Variants in MYRF observed in about 807,000 individuals in gnomAD.
MYRF encodes the protein myelin regulatory factor, also known as myelin gene regulatory factor.
MYRF carries 16 observed loss-of-function variants against 126.3 expected under a neutral mutation model. The observed-to-expected ratio is 0.13, with a 90% CI of 0.09 to 0.19. The LOEUF (loss-of-function observed/expected upper bound fraction) is 0.19. Among genes scored for constraint, MYRF ranks in the 10% least tolerant of loss-of-function variants. The pLI, the probability that MYRF is intolerant of heterozygous loss-of-function variation, is 1.00. For synonymous variants in MYRF, 608 were observed against 635.3 expected (o/e 0.96, Z 0.65); for missense variants, 1,104 against 1,547.0 (o/e 0.71, Z 4.80).
At chr11:61,769,008 G>C (rs995818230) in intron 3 of MYRF, among the ~76,000 whole-genome samples, 1 of 152,174 alleles carries the variant, frequency 6.6e-6, no homozygotes, top group South Asian at 2.1e-4. Flanking sequence ...AAGGACACTA[G>C]TAACTGCCCC....
chr11:61,786,195 C>T lies in MYRF; in HGVS notation c.*52C>T. The T allele has an allele frequency of 1.3e-6, 2 of 1,549,030 alleles. No individual in the cohort carries two copies. The highest frequency in any genetic ancestry group is 1.8e-6 in the Non-Finnish European group (2 of 1,122,082). On this transcript the variant is annotated 3_prime_UTR_variant, in exon 27 of 27. Transcript: ENST00000278836. This position sits in a 1 kb window ranked among gnomAD's most constrained non-coding sequence, Gnocchi z 4.5. The stretch of plus-strand genomic sequence containing the variant: ...CAGGGACCAGGGGTGCCCAGGCACC[C>T]CCCAACACTGGATGCAATGGTGTTA...
In MYRF at chr11:61,786,931, A is replaced by G. The variant is rs1346168195; in HGVS notation, c.*788A>G. The G allele has an allele frequency of 6.5e-6, 1 of 152,698 alleles. No individual in the cohort carries two copies. The highest frequency in any genetic ancestry group is 2.4e-5 in the African/African-American group (1 of 41,430). The allele number at this position is 152,698 out of a possible 1,614,324, so 9.5% of individuals were successfully genotyped here. A position where few individuals can be genotyped will look rare whatever the true frequency, so the allele number is the denominator to read the frequency against. ...CAGGTAAGCCCTAGAGCCTTGAACC[A>G]GGAATATCCAGGAAGAGGAAATTCC... On this transcript the variant is annotated 3_prime_UTR_variant, in exon 27 of 27. Transcript: ENST00000278836. The surrounding 1 kb of genome is among the most constrained non-coding windows in gnomAD (Gnocchi z 4.5).
At chr11:61,755,502 G>A in intron 1 of MYRF, 2 of 1,585,932 alleles carry the variant, frequency 1.3e-6, no homozygotes, top group South Asian at 2.2e-5. Flanking sequence ...GCACGGGACA[G>A]GGCAGTGTCT....
intron 1 of MYRF, chr11:61,754,446 CT>C (rs1175163762): frequency 1.3e-5 from 2 of 152,428 alleles, no homozygotes; most frequent in African/African-American, 4.8e-5. Context: ...GGTTTGAGAC[CT>C]TCAGGGAAGA....
At chr11:61,753,786 C>T (rs1217471428) in intron 1 of MYRF, among the ~76,000 whole-genome samples, 3 of 152,168 alleles carry the variant, frequency 2.0e-5, no homozygotes, top group Non-Finnish European at 2.9e-5. Flanking sequence ...CCTGGACGAC[C>T]CCTGCCCCTC....
intron 4 of MYRF, 72 bp downstream of exon 4, chr11:61,769,393 TAGGGGAGGAGGG>T: frequency 1.6e-6 from 2 of 1,234,990 alleles, no homozygotes; most frequent in Non-Finnish European, 2.3e-6. Context: ...ATCAGGGAGG[TAGGGGAGGAGGG>T]AGGGGGCCAG....
intron 8 of MYRF, among the ~76,000 whole-genome samples, chr11:61,774,642 C>T (rs931319792): frequency 6.6e-6 from 1 of 151,722 alleles, no homozygotes; most frequent in Non-Finnish European, 1.5e-5. Context: ...TGTGCCTGCC[C>T]CTCAGCCTGC....
chr11:61,771,374 G>A, intron 5 of MYRF, 126 bp from the exon 6 acceptor site: 1 of 1,299,906 alleles, frequency 7.7e-7, no homozygotes, highest in South Asian at 1.5e-5. Context: ...CTTCCTGAAG[G>A]AGGTGTCCTC....
rs201406572 is a variant in MYRF, at chr11:61,778,349, C to A, written c.1904-31C>A. On this transcript the variant is annotated intron_variant, in intron 13 of 26. Coordinates refer to ENST00000278836, the MANE Select transcript of MYRF (RefSeq NM_001127392.3). This position sits in a 1 kb window ranked among gnomAD's most constrained non-coding sequence, Gnocchi z 4.6. ...TGTGAGTAGCCCTTTACCACCCCCC[C>A]ACCCATCTTTGGCTTGTCCCCTGCC... The A allele has an allele frequency of 7.9e-5, 114 of 1,438,720 alleles. No individual in the cohort carries two copies. Among genetic ancestry groups the A allele is most frequent in the Non-Finnish European group, 6.5e-5 (66 of 1,020,462 alleles). The allele number at this position is 1,438,720 out of a possible 1,614,324, so 89.1% of individuals were successfully genotyped here.
chr11:61,779,596 G>A lies in MYRF; in HGVS notation c.2247+26G>A, dbSNP rs7943728. On this transcript the variant is annotated intron_variant, in intron 16 of 26. Transcript: ENST00000278836. ...GTAGGGGTGAGCAGGGATGGCAGGC[G>A]GGTTGGAAAGGGGGCCTCCCTTGTG... 231,523 of 1,471,664 alleles carry A rather than the reference G, an allele frequency of 0.16. 20,538 individuals are homozygous for A. Among genetic ancestry groups the A allele is most frequent in the Non-Finnish European group, 0.18 (204,278 of 1,110,064 alleles). The allele number at this position is 1,471,664 out of a possible 1,614,324, so 91.2% of individuals were successfully genotyped here. A position where few individuals can be genotyped will look rare whatever the true frequency, so the allele number is the denominator to read the frequency against.
chr11:61,772,636 C>T (rs2066259480), intron 7 of MYRF, among the ~76,000 whole-genome samples: 1 of 152,222 alleles, frequency 6.6e-6, no homozygotes, highest in Non-Finnish European at 1.5e-5. Context: ...GGTGGGGGTG[C>T]AGTCGTATGG....
At chr11:61,771,357 C>T (rs2066213945) in intron 5 of MYRF, 143 bp from the exon 6 acceptor site, 1 of 1,159,748 alleles carries the variant, frequency 8.6e-7, no homozygotes, top group Admixed American at 2.7e-5. Flanking sequence ...GAGGCAAAGC[C>T]TGAGGGCTTC....
At position 61,752,740 on chromosome 11, in the gene MYRF, G is replaced by C; in HGVS notation, c.-5G>C. 6.8e-7 allele frequency: 1 copy of C among 1,460,134 alleles called. No homozygotes were observed. Among genetic ancestry groups the C allele is most frequent in the South Asian group, 1.3e-5 (1 of 74,382 alleles). 90.4% of individuals were successfully genotyped at this position (1,460,134 alleles called of 1,614,324 possible). A position where few individuals can be genotyped will look rare whatever the true frequency, so the allele number is the denominator to read the frequency against. On this transcript the variant is annotated 5_prime_UTR_variant, in exon 1 of 27. Coordinates refer to ENST00000278836, the MANE Select transcript of MYRF (RefSeq NM_001127392.3). The stretch of plus-strand genomic sequence containing the variant: ...CGGCTGGAGTGTGCGCCGGGCAGGC[G>C]GGACATGGAGGTGGTGGACGAGACG...
intron 8 of MYRF, among the ~76,000 whole-genome samples, chr11:61,774,555 CTG>C (rs903719391): frequency 1.3e-5 from 2 of 150,642 alleles, no homozygotes; most frequent in African/African-American, 4.9e-5. Flanking sequence ...AAGCAAGCAT[CTG>C]TGTGCGTGTG....
At position 61,774,666 on chromosome 11, in the gene MYRF, T is replaced by C. The variant is rs113706106; in HGVS notation, c.1311+504T>C. 1.5e-4 allele frequency among the ~76,000 whole-genome samples: 22 copies of C among 142,712 alleles called. 1 individual carries two copies. Among genetic ancestry groups the C allele is most frequent in the African/African-American group, 5.9e-4 (22 of 37,280 alleles). 93.6% of individuals were successfully genotyped at this position (142,712 alleles called of 152,430 possible). A position where few individuals can be genotyped will look rare whatever the true frequency, so the allele number is the denominator to read the frequency against. ...CCCTCAGCCTGCCTCCCCCTCGCCC[T>C]GCGCCTGCCTCCCTCTTGTTGGGCT... is the stretch of plus-strand genomic sequence containing the variant. On this transcript the variant is annotated intron_variant, in intron 8 of 26. Transcript: ENST00000278836.
Position 61,779,434 on chromosome 11 carries a change from G to C in MYRF, c.2174+11G>C. On this transcript the variant is annotated intron_variant, in intron 15 of 26. Transcript: ENST00000278836. ...CTCGGGCGCCTTCAGGTAGGGGTGC[G>C]GGGTGGGGGAAGGTGAGACCCTTCT... The C allele has an allele frequency of 6.4e-7, 1 of 1,550,838 alleles. No homozygotes were observed. The highest frequency in any genetic ancestry group is 2.4e-5 in the East Asian group (1 of 40,972).
In MYRF at chr11:61,778,627, C is replaced by T. The variant is rs899517013; in HGVS notation, c.2013+138C>T. 1.2e-4 allele frequency: 80 copies of T among 694,362 alleles called. No homozygotes were observed. The East Asian group carries it at 1.8e-3, about 16-fold the overall frequency. 43.0% of individuals were successfully genotyped at this position (694,362 alleles called of 1,614,324 possible). On this transcript the variant is annotated intron_variant, in intron 14 of 26. Coordinates refer to ENST00000278836, the MANE Select transcript of MYRF (RefSeq NM_001127392.3). This position sits in a 1 kb window ranked among gnomAD's most constrained non-coding sequence, Gnocchi z 4.6. ...CTCGGCTCTCATGCTGCCTCCAGAGCGCCCTCTGCACCCCACAGGGAAGGG... is the reference window on the plus strand; with the variant it reads ...CTCGGCTCTCATGCTGCCTCCAGAGTGCCCTCTGCACCCCACAGGGAAGGG...
chr11:61,781,193 G>C lies in MYRF; in HGVS notation c.2628G>C (p.Met876Ile). 1 of 1,614,028 alleles carries C rather than the reference G, an allele frequency of 6.2e-7. No individual in the cohort carries two copies. Among genetic ancestry groups the C allele is most frequent in the Non-Finnish European group, 8.5e-7 (1 of 1,180,030 alleles). Residue 876 changes from methionine (M) to isoleucine (I), a missense_variant, in exon 21 of 27, where the codon ATG (methionine) becomes ATC (isoleucine). Met to Ile is a conservative substitution (Grantham distance 10). This residue lies in a region of MYRF where 323 missense variants were observed against 383.1 expected (regional missense o/e 0.84). Coordinates refer to ENST00000278836, the MANE Select transcript of MYRF (RefSeq NM_001127392.3). ...GTTCTGCTGTCCGCACCTTGGACATGTGTTCCAGCCACCCCTGCCCTGTCA... is the reference window on the plus strand; with the variant it reads ...GTTCTGCTGTCCGCACCTTGGACATCTGTTCCAGCCACCCCTGCCCTGTCA... ...APGSAVRTLD[M>I]CSSHPCPVIC...
At chr11:61,767,797 G>C (rs1195348801) in intron 3 of MYRF, among the ~76,000 whole-genome samples, 1 of 125,286 alleles carries the variant, frequency 8.0e-6, no homozygotes. Flanking sequence ...GCTAGGGACA[G>C]AGTAAGACCC....
Sources: allele counts gnomAD v4.1 joint callset (sites outside exome capture counted in the v4.1 genomes callset), GRCh38; gene constraint gnomAD v4.1.1; regional missense constraint gnomAD v4.1.1; non-coding constraint Gnocchi (gnomAD v3.1); transcripts MANE v1.5; gene names NCBI Gene and HGNC (gene_info 2026-07-23, HGNC 2026-07-21).